Variants in EEFSEC observed in about 807,000 individuals in gnomAD.
The protein encoded by EEFSEC is eukaryotic elongation factor, selenocysteine-tRNA specific, also known as selenocysteine-specific elongation factor.
Under a neutral mutation model 42.1 loss-of-function variants are expected in EEFSEC, and 43 were observed. That is an observed-to-expected ratio of 1.02 (90% CI 0.80 to 1.32). The LOEUF is 1.32. Ranked by LOEUF, EEFSEC falls within the 40% of genes most tolerant of loss-of-function variation. EEFSEC has a pLI of 0.00. For missense variants in EEFSEC, 745 were observed against 803.6 expected (o/e 0.93, Z 0.88); for synonymous variants, 354 against 339.1 (o/e 1.04, Z -0.48).
At chr3:128,399,440 G>T (rs995195676) in intron 6 of EEFSEC, among the ~76,000 whole-genome samples, 1 of 152,226 alleles carries the variant, frequency 6.6e-6, no homozygotes, top group Non-Finnish European at 1.5e-5. Flanking sequence ...CCGCTCCGCC[G>T]CCTGCTTCCC....
chr3:128,230,736 C>T (rs2065952038), intron 1 of EEFSEC, among the ~76,000 whole-genome samples: 1 of 152,166 alleles, frequency 6.6e-6, no homozygotes, highest in African/African-American at 2.4e-5. Flanking sequence ...ACAGGTCTCG[C>T]TTAGCATGCA....
At chr3:128,400,222 C>A (rs2068033318) in intron 6 of EEFSEC, among the ~76,000 whole-genome samples, 1 of 152,238 alleles carries the variant, frequency 6.6e-6, no homozygotes, top group Non-Finnish European at 1.5e-5. Flanking sequence ...CTGTGCAGGG[C>A]AGCTTCCTAC....
intron 6 of EEFSEC, among the ~76,000 whole-genome samples, chr3:128,395,067 C>T (rs1389289416): frequency 2.0e-5 from 3 of 152,226 alleles, no homozygotes; most frequent in Non-Finnish European, 4.4e-5. Context: ...CCCTGTGCTG[C>T]TGGCAGCATG....
intron 4 of EEFSEC, among the ~76,000 whole-genome samples, chr3:128,297,932 A>G (rs1177727885): frequency 6.6e-6 from 1 of 152,158 alleles, no homozygotes. Flanking sequence ...TGGGGCACAC[A>G]TTGCTGCAGT....
At chr3:128,177,227 T>G (rs138874688) in intron 1 of EEFSEC, among the ~76,000 whole-genome samples, 3 of 152,054 alleles carry the variant, frequency 2.0e-5, no homozygotes, top group Non-Finnish European at 2.9e-5. Context: ...TTTTGTTGAT[T>G]CCTTATCTTA....
At chr3:128,280,771 C>A (rs909258651) in intron 4 of EEFSEC, among the ~76,000 whole-genome samples, 2 of 152,244 alleles carry the variant, frequency 1.3e-5, no homozygotes, top group Admixed American at 1.3e-4. Flanking sequence ...CAACCCTCAC[C>A]CCCTTCTCCT....
intron 6 of EEFSEC, among the ~76,000 whole-genome samples, chr3:128,404,949 T>C (rs1438159696): frequency 6.6e-6 from 1 of 152,052 alleles, no homozygotes; most frequent in African/African-American, 2.4e-5. Context: ...GACCGGACCC[T>C]TTGTGCAGTG....
At chr3:128,246,036 C>T (rs1189701638) in intron 1 of EEFSEC, among the ~76,000 whole-genome samples, 1 of 152,118 alleles carries the variant, frequency 6.6e-6, no homozygotes. Context: ...TCCTGCAGTA[C>T]GAAGTTACAC....
At chr3:128,188,366 G>T (rs1032858454) in intron 1 of EEFSEC, among the ~76,000 whole-genome samples, 8 of 152,188 alleles carry the variant, frequency 5.3e-5, no homozygotes, top group Admixed American at 3.3e-4. Context: ...GCAGGCTGAG[G>T]GGGTGGCAGG....
intron 4 of EEFSEC, among the ~76,000 whole-genome samples, chr3:128,310,496 C>T (rs1039526978): frequency 6.6e-6 from 1 of 152,210 alleles, no homozygotes; most frequent in Non-Finnish European, 1.5e-5. Context: ...TTGCGCCTAT[C>T]CCCTGGTCTC....
At chr3:128,305,222 T>G (rs944658673) in intron 4 of EEFSEC, among the ~76,000 whole-genome samples, 1 of 152,218 alleles carries the variant, frequency 6.6e-6, no homozygotes, top group Non-Finnish European at 1.5e-5. Flanking sequence ...GCTGTTATAT[T>G]AATATGTTTT....
intron 4 of EEFSEC, among the ~76,000 whole-genome samples, chr3:128,310,815 GC>G (rs1466813703): frequency 6.6e-6 from 1 of 152,188 alleles, no homozygotes; most frequent in Non-Finnish European, 1.5e-5. Context: ...TGGAGGTCAG[GC>G]CCCTGTGCTC....
downstream of EEFSEC, among the ~76,000 whole-genome samples, chr3:128,413,159 C>T (rs1036150186): frequency 5.3e-5 from 8 of 152,074 alleles, no homozygotes; most frequent in South Asian, 2.1e-4. Flanking sequence ...ATGTGGCAGC[C>T]GAGGGGAGGG....
At chr3:128,275,853 A>G (rs2066462678) in intron 4 of EEFSEC, among the ~76,000 whole-genome samples, 1 of 152,092 alleles carries the variant, frequency 6.6e-6, no homozygotes, top group African/African-American at 2.4e-5. Flanking sequence ...GGCAGTAGGG[A>G]GGATGTTTGG....
chr3:128,358,092 T>C, intron 5 of EEFSEC, 125 bp from the exon 6 acceptor site: 2 of 1,276,116 alleles, frequency 1.6e-6, no homozygotes, highest in Non-Finnish European at 2.2e-6. Context: ...ACCCACAGGG[T>C]TCCTAGAGCG....
At chr3:128,329,682 GGTGCTGAGGGCA>G (rs2067105182) in intron 4 of EEFSEC, among the ~76,000 whole-genome samples, 1 of 152,204 alleles carries the variant, frequency 6.6e-6, no homozygotes, top group Non-Finnish European at 1.5e-5. Context: ...CCAAGCTTAG[GGTGCTGAGGGCA>G]GTGCTGAGGA....
chr3:128,235,867 T>A (rs56397996), intron 1 of EEFSEC, among the ~76,000 whole-genome samples: 128,485 of 152,040 alleles, frequency 0.85, 54,671 homozygotes, highest in East Asian at 0.99. Context: ...CCATTTGCCG[T>A]TGTGCTGCTC....
At chr3:128,263,289 C>T (rs998355023) in intron 3 of EEFSEC, among the ~76,000 whole-genome samples, 2 of 152,204 alleles carry the variant, frequency 1.3e-5, no homozygotes, top group African/African-American at 2.4e-5. Context: ...GCGAGTTACA[C>T]GGTGGAGCTG....
intron 1 of EEFSEC, among the ~76,000 whole-genome samples, chr3:128,202,759 TC>T (rs1354717322): frequency 6.6e-6 from 1 of 152,246 alleles, no homozygotes; most frequent in Non-Finnish European, 1.5e-5. Context: ...ATTTCATATT[TC>T]TCTAGTAAGT....
Sources: allele counts gnomAD v4.1 joint callset (sites outside exome capture counted in the v4.1 genomes callset), GRCh38; gene constraint gnomAD v4.1.1; transcripts MANE v1.5; gene names NCBI Gene and HGNC (gene_info 2026-07-23, HGNC 2026-07-21).